Variants in EXOC4 observed in about 807,000 individuals in gnomAD.
The protein encoded by EXOC4 is exocyst complex component 4, also known as SEC8-like 1.
In EXOC4, 71 loss-of-function variants were observed where a neutral mutation model predicts 107.2. The ratio of observed to expected loss-of-function variants is 0.66; its 90% CI spans 0.55 to 0.81. EXOC4 has a LOEUF of 0.81. EXOC4 is among the 30% of genes least tolerant of loss of function. The pLI, the probability that EXOC4 is intolerant of heterozygous loss-of-function variation, is 0.00. For missense variants in EXOC4, 1,108 were observed against 1,189.6 expected (o/e 0.93, Z 1.01); for synonymous variants, 456 against 441.2 (o/e 1.03, Z -0.42).
chr7:133,957,956 T>G (rs373428367), intron 14 of EXOC4, among the ~76,000 whole-genome samples: 73 of 152,352 alleles, frequency 4.8e-4, no homozygotes, highest in South Asian at 2.5e-3. Context: ...TGCTTCATAT[T>G]ATGACTTAGA....
chr7:133,851,869 T>C (rs1313479929), intron 11 of EXOC4, among the ~76,000 whole-genome samples: 2 of 152,162 alleles, frequency 1.3e-5, no homozygotes, highest in Non-Finnish European at 1.5e-5. Flanking sequence ...GATTTGATCT[T>C]CCCACGAGTC....
intron 10 of EXOC4, among the ~76,000 whole-genome samples, chr7:133,657,680 A>G (rs990319026): frequency 6.6e-6 from 1 of 152,144 alleles, no homozygotes; most frequent in African/African-American, 2.4e-5. Context: ...GAACTGGGAG[A>G]TACAGGTTCT....
At chr7:133,921,575 T>C (rs1379466173) in intron 13 of EXOC4, among the ~76,000 whole-genome samples, 1 of 152,230 alleles carries the variant, frequency 6.6e-6, no homozygotes, top group Admixed American at 6.5e-5. Flanking sequence ...CTTGTTCCTC[T>C]ATAGGATTTT....
intron 14 of EXOC4, among the ~76,000 whole-genome samples, chr7:133,939,413 A>C (rs1800376566): frequency 6.6e-6 from 1 of 152,220 alleles, no homozygotes; most frequent in South Asian, 2.1e-4. Context: ...GGGCCAATGC[A>C]GGGTGGGAAG....
intron 14 of EXOC4, among the ~76,000 whole-genome samples, chr7:133,961,534 G>A (rs896035478): frequency 2.6e-5 from 4 of 152,050 alleles, no homozygotes; most frequent in Admixed American, 2.0e-4. Context: ...GTGATCCACC[G>A]CCTGCCTTGG....
chr7:133,662,601 G>GT (rs757982510), intron 10 of EXOC4, among the ~76,000 whole-genome samples: 1 of 151,762 alleles, frequency 6.6e-6, no homozygotes, highest in African/African-American at 2.4e-5. Flanking sequence ...TAGAGTAACA[G>GT]TTCTGAATGT....
chr7:133,261,473 C>T lies in EXOC4; in HGVS notation c.86+8286C>T, dbSNP rs529798709. On this transcript the variant is annotated intron_variant, in intron 1 of 17. Transcript: ENST00000253861. ...TTTAGGTTTTGCTATGTTGCTCAGGCTGGTCTTGAATTCCTGGCCTCAAGC... is the reference window on the plus strand; with the variant it reads ...TTTAGGTTTTGCTATGTTGCTCAGGTTGGTCTTGAATTCCTGGCCTCAAGC... Among the ~76,000 whole-genome samples, 5 of 152,202 alleles carry T rather than the reference C, an allele frequency of 3.3e-5. No homozygotes were observed. The South Asian group carries it at 1.0e-3, about 32-fold the overall frequency.
intron 10 of EXOC4, among the ~76,000 whole-genome samples, chr7:133,774,070 C>G (rs148596203): frequency 6.6e-6 from 1 of 152,146 alleles, no homozygotes; most frequent in Non-Finnish European, 1.5e-5. Flanking sequence ...GCAAAATAAA[C>G]TGGGATCAGA....
chr7:133,663,809 C>T (rs1793751690), intron 10 of EXOC4, among the ~76,000 whole-genome samples: 2 of 152,178 alleles, frequency 1.3e-5, no homozygotes, highest in Non-Finnish European at 2.9e-5. Flanking sequence ...TCTTGCTCCT[C>T]TCCCTTTTAA....
At chr7:133,875,911 A>G (rs1019462739) in intron 11 of EXOC4, among the ~76,000 whole-genome samples, 8 of 152,202 alleles carry the variant, frequency 5.3e-5, no homozygotes, top group Non-Finnish European at 8.8e-5. Flanking sequence ...ACAACAAAAA[A>G]TAGTGGTTAA....
At chr7:133,455,066 CAG>C (rs1230478028) in intron 7 of EXOC4, among the ~76,000 whole-genome samples, 2 of 152,020 alleles carry the variant, frequency 1.3e-5, no homozygotes, top group African/African-American at 4.8e-5. Context: ...AGCTGGGCAA[CAG>C]AGTGAGACCC....
intron 10 of EXOC4, among the ~76,000 whole-genome samples, chr7:133,814,254 A>G (rs1797309357): frequency 6.6e-6 from 1 of 152,188 alleles, no homozygotes; most frequent in Non-Finnish European, 1.5e-5. Context: ...AGGTTAGTGT[A>G]GTAAATACTG....
intron 1 of EXOC4, among the ~76,000 whole-genome samples, chr7:133,260,888 G>C (rs1340352713): frequency 6.6e-6 from 1 of 151,998 alleles, no homozygotes; most frequent in Non-Finnish European, 1.5e-5. Context: ...ACAGTTCATG[G>C]AATGTTGATG....
chr7:133,722,392 A>G (rs1795123446), intron 10 of EXOC4, among the ~76,000 whole-genome samples: 10 of 152,192 alleles, frequency 6.6e-5, no homozygotes, highest in Admixed American at 6.5e-4. Context: ...AATGGAGAAA[A>G]TAGTTAATGT....
intron 10 of EXOC4, among the ~76,000 whole-genome samples, chr7:133,681,523 C>T (rs1018803379): frequency 6.6e-6 from 1 of 152,150 alleles, no homozygotes; most frequent in African/African-American, 2.4e-5. Context: ...TCACTGGGCC[C>T]AGCTTACATT....
chr7:133,714,191 C>G (rs1449635924), intron 10 of EXOC4, among the ~76,000 whole-genome samples: 1 of 152,126 alleles, frequency 6.6e-6, no homozygotes, highest in Admixed American at 6.6e-5. Flanking sequence ...GACAGGCTGA[C>G]CATGGACTAG....
In EXOC4 at chr7:133,475,539, T is replaced by C. The variant is rs1584946376; in HGVS notation, c.1328+66T>C. ...AGACTGAAGTAAGATGACTTCCTAC[T>C]TTATTAATAGCCATAACTTTGTCTA... On this transcript the variant is annotated intron_variant, in intron 8 of 17. Coordinates refer to ENST00000253861, the MANE Select transcript of EXOC4 (RefSeq NM_021807.4). The C allele has an allele frequency of 7.2e-6, 10 of 1,395,714 alleles. No individual in the cohort carries two copies. In the East Asian group the frequency reaches 2.3e-4, roughly 32 times the overall value. The allele number at this position is 1,395,714 out of a possible 1,614,324, so 86.5% of individuals were successfully genotyped here.
Position 133,275,031 on chromosome 7 carries a change from C to T in EXOC4, c.136C>T (p.Arg46Cys), listed in dbSNP as rs762544615. 1.9e-6 allele frequency: 3 copies of T among 1,613,230 alleles called. No individual in the cohort carries two copies. Among genetic ancestry groups the T allele is most frequent in the African/African-American group, 1.3e-5 (1 of 74,878 alleles). The change falls in exon 2 of 18, where the codon CGC becomes TGC. Residue 46 changes from arginine to cysteine, a missense_variant. Physicochemically the swap from Arg to Cys is radical, Grantham distance 180. Transcript: ENST00000253861. ...DVEDRENEKG[R>C]LEEAYEKCDR... ...CGAAGACAGGGAAAATGAAAAGGGT[C>T]GCCTTGAAGAAGCCTACGAGAAATG... is the stretch of plus-strand genomic sequence containing the variant.
At chr7:133,920,432 G>T (rs1799912867) in intron 13 of EXOC4, among the ~76,000 whole-genome samples, 1 of 151,960 alleles carries the variant, frequency 6.6e-6, no homozygotes, top group South Asian at 2.1e-4. Flanking sequence ...ATTTTGTATG[G>T]TTCCATTTTT....
Sources: allele counts gnomAD v4.1 joint callset (sites outside exome capture counted in the v4.1 genomes callset), GRCh38; gene constraint gnomAD v4.1.1; transcripts MANE v1.5; gene names NCBI Gene and HGNC (gene_info 2026-07-23, HGNC 2026-07-21).